Variants in TSBP1 observed in about 807,000 individuals in gnomAD.
TSBP1 encodes testis expressed basic protein 1.
In TSBP1, 56 loss-of-function variants were observed where a neutral mutation model predicts 68.8. The observed-to-expected ratio is 0.81, with a 90% CI of 0.66 to 1.02. TSBP1 has a LOEUF of 1.02. TSBP1 is among the 50% of genes least tolerant of loss of function. The pLI, the probability that TSBP1 is intolerant of heterozygous loss-of-function variation, is 0.00. For missense variants in TSBP1, 502 were observed against 641.2 expected, an observed-to-expected ratio of 0.78 and a Z score of 2.34; for synonymous variants, 171 against 208.7, an observed-to-expected ratio of 0.82 and a Z score of 1.56.
Position 32,366,762 on chromosome 6 carries a change from C to CAA in TSBP1, c.167-462_167-461dup, listed in dbSNP as rs9257084. ...TGGGCGACAGTGCGAGACTCCGTCT[C>CAA]AAAAAAAAAAAAAAAAAAAAAAAAG... On this transcript the variant is annotated intron_variant, in intron 4 of 22. Transcript: ENST00000612031. 3.6e-3 allele frequency among the ~76,000 whole-genome samples: 279 copies of CAA among 77,340 alleles called. 21 individuals carry two copies. The East Asian group carries it at 0.055, about 15-fold the overall frequency. The allele number at this position is 77,340 out of a possible 152,430, so 50.7% of individuals were successfully genotyped here. A position where few individuals can be genotyped will look rare whatever the true frequency, so the allele number is the denominator to read the frequency against.
intron 19 of TSBP1, among the ~76,000 whole-genome samples, chr6:32,313,510 C>A (rs1161953900): frequency 2.0e-5 from 3 of 152,034 alleles, no homozygotes; most frequent in Non-Finnish European, 4.4e-5. Flanking sequence ...TTTTAGTCTT[C>A]TTCAGATTGC....
At chr6:32,327,662 T>TCTTTC (rs1554195567) in intron 16 of TSBP1, among the ~76,000 whole-genome samples, 9 of 146,810 alleles carry the variant, frequency 6.1e-5, no homozygotes, top group Non-Finnish European at 3.0e-5. Flanking sequence ...TTCTTTTTTT[T>TCTTTC]TTTCTTTTTG....
intron 18 of TSBP1, among the ~76,000 whole-genome samples, chr6:32,319,337 CT>C (rs35183283): frequency 0.57 from 85,712 of 151,070 alleles, 19,384 homozygotes; most frequent in Middle Eastern, 0.67. Context: ...CCACACTCAC[CT>C]TTAGTTTCAG....
At chr6:32,362,017 G>A (rs1008720432) in intron 6 of TSBP1, among the ~76,000 whole-genome samples, 8 of 152,048 alleles carry the variant, frequency 5.3e-5, no homozygotes, top group Non-Finnish European at 8.8e-5. Context: ...CGGGCCGGGC[G>A]CGGTGGCTCA....
intron 6 of TSBP1, among the ~76,000 whole-genome samples, chr6:32,358,715 T>TCATC (rs9281748): frequency 0.47 from 71,545 of 150,820 alleles, 18,270 homozygotes; most frequent in Middle Eastern, 0.58. Context: ...GTTTCCAGCT[T>TCATC]CATCCATGTT....
chr6:32,339,118 G>A, intron 10 of TSBP1, 119 bp from the exon 12 acceptor site: 2 of 823,802 alleles, frequency 2.4e-6, no homozygotes, highest in South Asian at 1.4e-5. Flanking sequence ...GCAGCAAGAA[G>A]GTAAGTAGGC....
intron 19 of TSBP1, among the ~76,000 whole-genome samples, chr6:32,305,642 T>C (rs2127569031): frequency 6.6e-6 from 1 of 152,254 alleles, no homozygotes; most frequent in Middle Eastern, 3.4e-3. Flanking sequence ...ATTACAGGTG[T>C]GTGCCACCAC....
At chr6:32,322,773 T>C (rs1767772297) in intron 18 of TSBP1, among the ~76,000 whole-genome samples, 1 of 152,206 alleles carries the variant, frequency 6.6e-6, no homozygotes, top group African/African-American at 2.4e-5. Flanking sequence ...TGAACAGCTT[T>C]GGGCATAGTG....
intron 6 of TSBP1, among the ~76,000 whole-genome samples, chr6:32,363,620 G>C (rs191898436): frequency 1.5e-3 from 221 of 151,364 alleles, no homozygotes; most frequent in African/African-American, 5.2e-3. Context: ...TATTAAAATA[G>C]ATTACATACA....
chr6:32,317,727 G>C (rs1767125573), intron 18 of TSBP1, among the ~76,000 whole-genome samples: 1 of 152,210 alleles, frequency 6.6e-6, no homozygotes. Flanking sequence ...CTGATTGTTA[G>C]AGAAATGCAA....
chr6:32,301,591 G>A (rs998598104), intron 20 of TSBP1, among the ~76,000 whole-genome samples: 2 of 151,440 alleles, frequency 1.3e-5, no homozygotes, highest in Admixed American at 6.6e-5. Flanking sequence ...AGGGTGGCAA[G>A]CACCTGTAGT....
At chr6:32,364,111 T>G (rs749477695) in intron 6 of TSBP1, among the ~76,000 whole-genome samples, 8 of 152,208 alleles carry the variant, frequency 5.3e-5, no homozygotes, top group Non-Finnish European at 2.9e-5. Flanking sequence ...ATCCTTTTGA[T>G]GTACCTTTAA....
chr6:32,370,983 A>C (rs7762877), intron 1 of TSBP1, among the ~76,000 whole-genome samples: 319 of 152,340 alleles, frequency 2.1e-3, no homozygotes, highest in African/African-American at 6.9e-3. Flanking sequence ...AGACTACTTC[A>C]AACGAACAAT....
At chr6:32,359,148 T>C (rs1772701323) in intron 6 of TSBP1, among the ~76,000 whole-genome samples, 1 of 149,960 alleles carries the variant, frequency 6.7e-6, no homozygotes, top group South Asian at 2.1e-4. Flanking sequence ...AATTCTTCTT[T>C]GGGTATATAC....
chr6:32,347,893 A>C (rs1040855546), intron 9 of TSBP1, among the ~76,000 whole-genome samples: 1 of 152,170 alleles, frequency 6.6e-6, no homozygotes, highest in Non-Finnish European at 1.5e-5. Context: ...CGCCATTCAG[A>C]GTCAGTTCAG....
At chr6:32,339,467 C>T (rs767932979) in intron 10 of TSBP1, 133 bp downstream of exon 11, 1 of 741,488 alleles carries the variant, frequency 1.3e-6, no homozygotes, top group East Asian at 2.5e-5. Flanking sequence ...CCTCTGGTAG[C>T]AGGCACATTA....
In TSBP1 at chr6:32,308,592, C is replaced by T. The variant is rs1359493462; in HGVS notation, c.581-5963G>A. Among the ~76,000 whole-genome samples the T allele has an allele frequency of 2.0e-3, 158 of 78,424 alleles. 1 individual carries two copies. Among genetic ancestry groups the T allele is most frequent in the Admixed American group, 7.1e-3 (53 of 7,454 alleles). 51.4% of individuals were successfully genotyped at this position (78,424 alleles called of 152,430 possible). On this transcript the variant is annotated intron_variant, in intron 19 of 22. Transcript: ENST00000612031. ...CAGCCTGTGCGACAGAGCGAGACTC[C>T]GTCTCAAAAAAAAAAAAAAAAAAAT...
At chr6:32,348,206 G>T (rs564703807) in intron 9 of TSBP1, among the ~76,000 whole-genome samples, 2 of 152,252 alleles carry the variant, frequency 1.3e-5, no homozygotes, top group African/African-American at 4.8e-5. Context: ...TGCCTCACAT[G>T]GGTCCTCTGC....
intron 19 of TSBP1, among the ~76,000 whole-genome samples, chr6:32,310,761 A>ATTTTTT (rs199706394): frequency 2.8e-5 from 4 of 144,834 alleles, no homozygotes; most frequent in African/African-American, 1.0e-4. Context: ...ATATATATAT[A>ATTTTTT]TTTTTAATCT....
Sources: allele counts gnomAD v4.1 joint callset (sites outside exome capture counted in the v4.1 genomes callset), GRCh38; gene constraint gnomAD v4.1.1; transcripts MANE v1.5; gene names NCBI Gene and HGNC (gene_info 2026-07-23, HGNC 2026-07-21).